The following DGKI variants were observed in gnomAD, a reference collection of about 807,000 sequenced individuals.
DGKI encodes the protein DAG kinase iota.
DGKI carries 55 observed loss-of-function variants against 147.5 expected under a neutral mutation model. The ratio of observed to expected loss-of-function variants is 0.37; its 90% CI spans 0.30 to 0.47. The LOEUF (loss-of-function observed/expected upper bound fraction) is 0.47, where lower values mean the gene tolerates loss of function less well. Ranked by LOEUF, DGKI falls within the 20% of genes least tolerant of loss-of-function variation. The pLI, the probability that DGKI is intolerant of heterozygous loss-of-function variation, is 1.00. For missense variants in DGKI, 1,007 were observed against 1,323.8 expected, an observed-to-expected ratio of 0.76 and a Z score of 3.71; for synonymous variants, 469 against 477.1, an observed-to-expected ratio of 0.98 and a Z score of 0.22.
chr7:137,514,150 G>C (rs1405966077), intron 21 of DGKI, among the ~76,000 whole-genome samples: 1 of 151,998 alleles, frequency 6.6e-6, no homozygotes, highest in Admixed American at 6.6e-5. Flanking sequence ...CTGGACCTGT[G>C]ACATTCTGGA....
intron 6 of DGKI, among the ~76,000 whole-genome samples, chr7:137,643,058 G>A (rs1469398862): frequency 3.3e-5 from 5 of 151,382 alleles, no homozygotes; most frequent in Admixed American, 2.0e-4. Context: ...TTGGGAGGCC[G>A]AGACGGGCGG....
intron 1 of DGKI, among the ~76,000 whole-genome samples, chr7:137,788,663 CAT>C (rs1491307102): frequency 0.078 from 4,811 of 61,662 alleles, 171 homozygotes; most frequent in African/African-American, 0.24. Context: ...CACACACACA[CAT>C]ACACACACAC....
At chr7:137,784,476 A>T (rs1443597785) in intron 1 of DGKI, among the ~76,000 whole-genome samples, 1 of 152,152 alleles carries the variant, frequency 6.6e-6, no homozygotes, top group Non-Finnish European at 1.5e-5. Flanking sequence ...TTTATAAAAC[A>T]ATTACTACTA....
intron 9 of DGKI, 136 bp from the exon 10 acceptor site, chr7:137,609,200 G>T: frequency 1.6e-6 from 1 of 641,224 alleles, no homozygotes; most frequent in Non-Finnish European, 2.7e-6. Flanking sequence ...TCCATGTAAG[G>T]CTTGGAAGAA....
chr7:137,381,109 G>C lies in DGKI; in HGVS notation c.*10111C>G, dbSNP rs1811049159. 6.6e-6 allele frequency: 1 copy of C among 152,030 alleles called. No individual in the cohort carries two copies. The highest frequency in any genetic ancestry group is 1.5e-5 in the Non-Finnish European group (1 of 67,986). The allele number at this position is 152,030 out of a possible 1,614,324, so 9.4% of individuals were successfully genotyped here. A position where few individuals can be genotyped will look rare whatever the true frequency, so the allele number is the denominator to read the frequency against. On this transcript the variant is annotated 3_prime_UTR_variant, in exon 33 of 33. Coordinates refer to ENST00000614521, the MANE Select transcript of DGKI (RefSeq NM_001321708.2). ...CAGAAAAAGTGTCCAAAAAGTAACT[G>C]TAACTAGTCAATTTCTTTTTCAGAG... is the stretch of plus-strand genomic sequence containing the variant.
intron 27 of DGKI, among the ~76,000 whole-genome samples, chr7:137,462,260 C>T (rs187611135): frequency 4.7e-4 from 72 of 152,230 alleles, no homozygotes; most frequent in African/African-American, 1.7e-3. Context: ...TTTAGCCATT[C>T]GTGGGTGGCT....
In DGKI at chr7:137,521,866, A is replaced by G. The variant is rs749676069; in HGVS notation, c.2248T>C (p.Ser750Pro). ...HYDKEKLREA[S>P]IPLGILVVRG... ...AATCAATGAGGCACTTCCAACTTAC[A>G]AGCTTCTCGGAGTTTCTCCTTGTCA... Residue 750 changes from serine (S) to proline (P), a missense_variant and splice_region_variant, in exon 21 of 33, where the codon TCG (serine) becomes CCG (proline). Coordinates refer to ENST00000614521, the MANE Select transcript of DGKI (RefSeq NM_001321708.2). 3.1e-6 allele frequency: 5 copies of G among 1,608,356 alleles called. No individual in the cohort carries two copies. Among genetic ancestry groups the G allele is most frequent in the Non-Finnish European group, 4.3e-6 (5 of 1,175,728 alleles).
In DGKI at chr7:137,442,881, C is replaced by T. The variant is rs1731916; in HGVS notation, c.2761+1196G>A. Among the ~76,000 whole-genome samples the T allele has an allele frequency of 8.1e-3, 1,241 of 152,280 alleles. 17 individuals carry two copies. Among genetic ancestry groups the T allele is most frequent in the African/African-American group, 0.029 (1,187 of 41,544 alleles). ...ACAGGTAAATAAAGCATGAAATTTG[C>T]GCATTAAGCCCTAGAATGTAGAAAA... On this transcript the variant is annotated intron_variant, in intron 28 of 32. Coordinates refer to ENST00000614521, the MANE Select transcript of DGKI (RefSeq NM_001321708.2).
chr7:137,678,426 A>G (rs576080589), intron 3 of DGKI, 131 bp downstream of exon 3: 1 of 817,468 alleles, frequency 1.2e-6, no homozygotes, highest in Non-Finnish European at 2.0e-6. Context: ...AAACCTTGAA[A>G]ACATCCGGAA....
chr7:137,648,600 G>A (rs1821914271), intron 5 of DGKI, among the ~76,000 whole-genome samples: 1 of 152,190 alleles, frequency 6.6e-6, no homozygotes, highest in Non-Finnish European at 1.5e-5. Flanking sequence ...GCTGGACAGA[G>A]GGGTGATTCA....
chr7:137,607,762 C>T (rs771528597), intron 10 of DGKI, among the ~76,000 whole-genome samples: 1 of 152,124 alleles, frequency 6.6e-6, no homozygotes, highest in Non-Finnish European at 1.5e-5. Context: ...AACCTCATTT[C>T]AAGGAAACCC....
rs974175831 is a variant in DGKI, at chr7:137,383,715, A to G, written c.*7505T>C. ...GAAAAATAAATCCTTATAAGTAATAAAGCTAACTCCTTTTCATGTGTTACT... is the reference window on the plus strand; with the variant it reads ...GAAAAATAAATCCTTATAAGTAATAGAGCTAACTCCTTTTCATGTGTTACT... On this transcript the variant is annotated 3_prime_UTR_variant, in exon 33 of 33. Coordinates refer to ENST00000614521, the MANE Select transcript of DGKI (RefSeq NM_001321708.2). The G allele has an allele frequency of 6.6e-6, 1 of 151,962 alleles. No homozygotes were observed. The highest frequency in any genetic ancestry group is 2.4e-5 in the African/African-American group (1 of 41,420). 9.4% of individuals were successfully genotyped at this position (151,962 alleles called of 1,614,324 possible). A position where few individuals can be genotyped will look rare whatever the true frequency, so the allele number is the denominator to read the frequency against.
At chr7:137,777,600 TAA>T (rs1177774307) in intron 1 of DGKI, among the ~76,000 whole-genome samples, 4 of 152,256 alleles carry the variant, frequency 2.6e-5, no homozygotes, top group Non-Finnish European at 5.9e-5. Flanking sequence ...CATAAAACTT[TAA>T]GTCATATCTC....
intron 1 of DGKI, among the ~76,000 whole-genome samples, chr7:137,791,927 A>G (rs1461739563): frequency 6.6e-6 from 1 of 152,254 alleles, no homozygotes; most frequent in Non-Finnish European, 1.5e-5. Flanking sequence ...GCCACATAAA[A>G]TAAAGCAGTT....
chr7:137,766,058 T>C (rs1796005833), intron 1 of DGKI, among the ~76,000 whole-genome samples: 1 of 152,132 alleles, frequency 6.6e-6, no homozygotes, highest in African/African-American at 2.4e-5. Context: ...TGAAACCAGC[T>C]CTCAGCCCCT....
At chr7:137,474,536 G>A (rs375991104) in intron 23 of DGKI, among the ~76,000 whole-genome samples, 4 of 152,304 alleles carry the variant, frequency 2.6e-5, no homozygotes, top group East Asian at 3.9e-4. Flanking sequence ...GGTGGTTGAG[G>A]TGGCGGTGGT....
intron 19 of DGKI, among the ~76,000 whole-genome samples, chr7:137,555,620 C>A (rs1050665700): frequency 1.3e-5 from 2 of 151,782 alleles, no homozygotes; most frequent in African/African-American, 2.4e-5. Context: ...AACAATAAAT[C>A]GAAAAACCTA....
intron 28 of DGKI, among the ~76,000 whole-genome samples, chr7:137,420,851 T>C (rs959387885): frequency 1.3e-5 from 2 of 152,058 alleles, no homozygotes; most frequent in Non-Finnish European, 2.9e-5. Context: ...CAAACTTGTC[T>C]CTGCTAAAAA....
chr7:137,584,927 T>A (rs2128982784), intron 14 of DGKI, among the ~76,000 whole-genome samples: 1 of 152,296 alleles, frequency 6.6e-6, no homozygotes, highest in African/African-American at 2.4e-5. Flanking sequence ...TTAACATGAA[T>A]GATTAAGACA....
Sources: gnomAD v4.1 joint callset for allele counts (sites outside exome capture counted in the v4.1 genomes callset) on GRCh38, gnomAD v4.1.1 for gene constraint, MANE v1.5 for transcripts, NCBI Gene and HGNC (gene_info 2026-07-23, HGNC 2026-07-21) for gene names.